The following FARS2 variants were observed in gnomAD, a reference collection of about 807,000 sequenced individuals.
The protein encoded by FARS2 is phenylalanine--tRNA ligase, mitochondrial.
FARS2 carries 40 observed loss-of-function variants against 46.4 expected under a neutral mutation model. That is an observed-to-expected ratio of 0.86 (90% CI 0.67 to 1.12). FARS2 has a LOEUF of 1.12. Ranked by LOEUF, FARS2 falls within the 50% of genes most tolerant of loss-of-function variation. The probability of loss-of-function intolerance (pLI) is 0.00; values close to 1 mark genes in which losing one functional copy is unlikely to be tolerated. For missense variants in FARS2, 513 were observed against 567.9 expected, an observed-to-expected ratio of 0.90 and a Z score of 0.98; for synonymous variants, 234 against 214.9, an observed-to-expected ratio of 1.09 and a Z score of -0.78.
chr6:5,331,320 G>A (rs1325230487), intron 1 of FARS2, among the ~76,000 whole-genome samples: 1 of 152,076 alleles, frequency 6.6e-6, no homozygotes. Flanking sequence ...AAAGTGCTAT[G>A]TGTTTAGATC....
intron 6 of FARS2, among the ~76,000 whole-genome samples, chr6:5,613,524 T>G (rs1775302715): frequency 6.6e-6 from 1 of 152,242 alleles, no homozygotes; most frequent in Non-Finnish European, 1.5e-5. Flanking sequence ...CCATCTTTCC[T>G]GCCTTAGTAA....
chr6:5,694,849 A>AAAAAAAAG (rs1321701480), intron 6 of FARS2: 2 of 151,864 alleles, frequency 1.3e-5, no homozygotes, highest in African/African-American at 4.8e-5. Flanking sequence ...TCTACAAAAA[A>AAAAAAAAG]AAAAAAAATT....
At chr6:5,448,132 T>C (rs1008281600) in intron 4 of FARS2, among the ~76,000 whole-genome samples, 3 of 152,060 alleles carry the variant, frequency 2.0e-5, no homozygotes, top group African/African-American at 7.2e-5. Context: ...AGAGTGCTGG[T>C]GGGAGGTAGA....
chr6:5,706,195 T>C (rs1758747334), intron 6 of FARS2, among the ~76,000 whole-genome samples: 1 of 152,186 alleles, frequency 6.6e-6, no homozygotes, highest in South Asian at 2.1e-4. Flanking sequence ...GAGAATCTAA[T>C]ACTGCCGCTG....
rs1441245456 is a variant in FARS2 at position 5,295,504 on chromosome 6, G to A, written c.-22+33844G>A. ...GTGCTTGGAAATTTAATAATAAAAC[G>A]TTTTAAAAAGGATCAAGCAAATAAA... is the stretch of plus-strand genomic sequence containing the variant. On this transcript the variant is annotated intron_variant, in intron 1 of 6. Coordinates refer to ENST00000274680, the MANE Select transcript of FARS2 (RefSeq NM_006567.5). Among the ~76,000 whole-genome samples the A allele has an allele frequency of 6.6e-5, 10 of 152,030 alleles. No individual in the cohort carries two copies. In the South Asian group the frequency reaches 1.5e-3, roughly 22 times the overall value.
At chr6:5,442,399 G>GTATATA (rs113883606) in intron 4 of FARS2, among the ~76,000 whole-genome samples, 1 of 128,940 alleles carries the variant, frequency 7.8e-6, no homozygotes, top group Non-Finnish European at 1.7e-5. Flanking sequence ...AATGGAATGT[G>GTATATA]TATATATATA....
At chr6:5,277,413 T>A (rs1476652577) in intron 1 of FARS2, among the ~76,000 whole-genome samples, 1 of 152,214 alleles carries the variant, frequency 6.6e-6, no homozygotes, top group Non-Finnish European at 1.5e-5. Context: ...AAAATGGATA[T>A]CAATTACAAA....
intron 5 of FARS2, among the ~76,000 whole-genome samples, chr6:5,577,773 TTTTA>T (rs138808872): frequency 0.56 from 84,765 of 150,570 alleles, 23,902 homozygotes; most frequent in Non-Finnish European, 0.6. Flanking sequence ...CCATTGTATC[TTTTA>T]TTTATTTATT....
In FARS2 at chr6:5,621,357, T is replaced by C. The variant is rs115565456; in HGVS notation, c.1217+8037T>C. 7.7e-3 allele frequency among the ~76,000 whole-genome samples: 1,178 copies of C among 152,216 alleles called. 13 individuals are homozygous for C. Among genetic ancestry groups the C allele is most frequent in the Middle Eastern group, 0.031 (9 of 294 alleles). ...CCTCCCTCCTTGGCCTCCTAAAATG[T>C]TGGGATTACAGGTGTGAACCACTAC... On this transcript the variant is annotated intron_variant, in intron 6 of 6. Transcript: ENST00000274680.
chr6:5,336,487 T>A (rs1047559041), intron 1 of FARS2, among the ~76,000 whole-genome samples: 4 of 152,202 alleles, frequency 2.6e-5, no homozygotes, highest in East Asian at 1.9e-4. Flanking sequence ...CCAGATTTTT[T>A]AAAATTTATT....
rs570067594 is a variant in FARS2 at position 5,564,014 on chromosome 6, A to G, written c.1065+18674A>G. 3.3e-5 allele frequency among the ~76,000 whole-genome samples: 5 copies of G among 152,328 alleles called. No individual in the cohort carries two copies. In the South Asian group the frequency reaches 1.0e-3, roughly 32 times the overall value. The stretch of plus-strand genomic sequence containing the variant: ...TTAAAACTGCATTACTAAACCCAAT[A>G]AAAAGTCCTAGCAGACTCAGTGATA... On this transcript the variant is annotated intron_variant, in intron 5 of 6. Transcript: ENST00000274680.
intron 6 of FARS2, among the ~76,000 whole-genome samples, chr6:5,673,631 A>G (rs931880207): frequency 4.0e-4 from 61 of 152,214 alleles, no homozygotes; most frequent in African/African-American, 1.4e-3. Flanking sequence ...TACAAGAAAC[A>G]TGGGAACTTT....
intron 6 of FARS2, among the ~76,000 whole-genome samples, chr6:5,664,518 C>G (rs1340308412): frequency 1.3e-5 from 2 of 152,194 alleles, no homozygotes; most frequent in East Asian, 3.8e-4. Flanking sequence ...AGTAAGCTGA[C>G]TTCCCTTGGT....
chr6:5,554,054 C>G (rs894721955), intron 5 of FARS2, among the ~76,000 whole-genome samples: 1 of 152,126 alleles, frequency 6.6e-6, no homozygotes, highest in Non-Finnish European at 1.5e-5. Context: ...AATCTTGAAA[C>G]TATTTTCTTT....
At chr6:5,564,424 T>G (rs1291187287) in intron 5 of FARS2, among the ~76,000 whole-genome samples, 2 of 152,180 alleles carry the variant, frequency 1.3e-5, no homozygotes, top group East Asian at 3.9e-4. Flanking sequence ...ATCCCTTTTT[T>G]TTGTTTGTTT....
intron 1 of FARS2, among the ~76,000 whole-genome samples, chr6:5,296,516 C>G (rs1767904488): frequency 6.6e-6 from 1 of 152,106 alleles, no homozygotes. Flanking sequence ...TCACCACTAC[C>G]CATCTCTAGA....
chr6:5,341,210 T>G (rs1420904636), intron 1 of FARS2, among the ~76,000 whole-genome samples: 1 of 4,998 alleles, frequency 2.0e-4, no homozygotes, highest in African/African-American at 6.6e-4. Context: ...TATATATATA[T>G]ATATATATAT....
At chr6:5,475,221 G>A (rs903519967) in intron 4 of FARS2, among the ~76,000 whole-genome samples, 5 of 152,180 alleles carry the variant, frequency 3.3e-5, no homozygotes, top group African/African-American at 1.2e-4. Flanking sequence ...ATAGCCAATG[G>A]TTGAAAGACT....
At chr6:5,647,144 A>G (rs1212519651) in intron 6 of FARS2, among the ~76,000 whole-genome samples, 1 of 151,808 alleles carries the variant, frequency 6.6e-6, no homozygotes, top group Non-Finnish European at 1.5e-5. Context: ...ATTGCTTACT[A>G]CTCTTTTGTC....
Sources: gnomAD v4.1 joint callset for allele counts (sites outside exome capture counted in the v4.1 genomes callset) on GRCh38, gnomAD v4.1.1 for gene constraint, MANE v1.5 for transcripts, NCBI Gene and HGNC (gene_info 2026-07-23, HGNC 2026-07-21) for gene names.